The following PGLYRP4 variants were observed in gnomAD, a reference collection of about 807,000 sequenced individuals.
The protein encoded by PGLYRP4 is peptidoglycan recognition protein 4.
In PGLYRP4, 39 loss-of-function variants were observed where a neutral mutation model predicts 41.2. The observed-to-expected ratio is 0.95, with a 90% CI of 0.73 to 1.24. PGLYRP4 has a LOEUF of 1.24. PGLYRP4 is among the 50% of genes most tolerant of loss of function. The pLI is 0.00. For synonymous variants in PGLYRP4, 202 were observed against 186.8 expected, an observed-to-expected ratio of 1.08 and a Z score of -0.66; for missense variants, 467 against 460.7, an observed-to-expected ratio of 1.01 and a Z score of -0.13.
Position 153,336,498 on chromosome 1 carries a change from A to G in PGLYRP4, c.943+683T>C, listed in dbSNP as rs190185948. ...TCAAAAACAGAAAATGAAAAACTAC[A>G]TGTTCTCACTTATAAGTGAAAGCTA... is the stretch of plus-strand genomic sequence containing the variant. On this transcript the variant is annotated intron_variant, in intron 8 of 8. Transcript: ENST00000359650. Among the ~76,000 whole-genome samples, 37 of 152,236 alleles carry G rather than the reference A, an allele frequency of 2.4e-4. No individual in the cohort carries two copies. The East Asian group carries it at 6.4e-3, about 26-fold the overall frequency.
intron 4 of PGLYRP4, 169 bp downstream of exon 4, chr1:153,344,999 GA>G: frequency 3.3e-6 from 2 of 605,050 alleles, no homozygotes; most frequent in South Asian, 4.1e-5. Context: ...GCACCTCACA[GA>G]AAAATCCAAA....
intron 5 of PGLYRP4, 108 bp from the exon 6 acceptor site, chr1:153,341,887 A>T: frequency 9.7e-7 from 1 of 1,035,228 alleles, no homozygotes; most frequent in Non-Finnish European, 1.4e-6. Flanking sequence ...ATGGAGAGGA[A>T]GAAAAGGGAA....
chr1:153,346,013 TGTGGCTTTGCAGACCTCAG>T, intron 3 of PGLYRP4, 70 bp downstream of exon 3: 1 of 932,900 alleles, frequency 1.1e-6, no homozygotes, highest in Middle Eastern at 2.3e-4. Flanking sequence ...CCCAGTCACA[TGTGGCTTTGCAGACCTCAG>T]AAACATTTCC....
chr1:153,338,844 TA>T (rs1660676269), intron 7 of PGLYRP4, among the ~76,000 whole-genome samples: 1 of 152,188 alleles, frequency 6.6e-6, no homozygotes, highest in Admixed American at 6.5e-5. Context: ...ATGTGTCCCC[TA>T]TAATAATGTT....
At chr1:153,331,093 C>A in intron 8 of PGLYRP4, 148 bp from the exon 9 acceptor site, 1 of 553,002 alleles carries the variant, frequency 1.8e-6, no homozygotes. Flanking sequence ...AAGGTCAAGA[C>A]TTCAGATTTC....
chr1:153,347,653 T>G (rs1235097501), intron 2 of PGLYRP4, among the ~76,000 whole-genome samples: 1 of 152,096 alleles, frequency 6.6e-6, no homozygotes, highest in Non-Finnish European at 1.5e-5. Flanking sequence ...ATTACAAGCA[T>G]AAGCCACCAC....
At chr1:153,344,471 A>G (rs1020768140) in intron 4 of PGLYRP4, among the ~76,000 whole-genome samples, 1 of 152,152 alleles carries the variant, frequency 6.6e-6, no homozygotes, top group Admixed American at 6.5e-5. Flanking sequence ...CCTGTCCCCC[A>G]GGAAGGCATT....
At chr1:153,346,291 CT>C in intron 2 of PGLYRP4, 100 bp from the exon 3 acceptor site, 1 of 853,372 alleles carries the variant, frequency 1.2e-6, no homozygotes, top group Non-Finnish European at 2.0e-6. Context: ...TCCACTGCCC[CT>C]CTGCCTCCTC....
intron 7 of PGLYRP4, among the ~76,000 whole-genome samples, chr1:153,338,970 T>C (rs1371131033): frequency 1.3e-5 from 2 of 152,142 alleles, no homozygotes; most frequent in Admixed American, 1.3e-4. Context: ...ATCCCCAGAG[T>C]AGCCTTGTGC....
intron 7 of PGLYRP4, among the ~76,000 whole-genome samples, chr1:153,339,884 G>A (rs900514033): frequency 9.9e-5 from 15 of 152,118 alleles, no homozygotes; most frequent in Non-Finnish European, 1.3e-4. Context: ...TCTCTCCCCC[G>A]CCTTCAGACA....
Position 153,340,532 on chromosome 1 carries a change from G to A in PGLYRP4, c.673C>T (p.His225Tyr). The A allele has an allele frequency of 6.2e-7, 1 of 1,614,110 alleles. No individual in the cohort carries two copies. The highest frequency in any genetic ancestry group is 8.5e-7 in the Non-Finnish European group (1 of 1,180,006). ...PRSVWGARETHCPRMTLPAKY... is the reference protein window; with the variant it reads ...PRSVWGARETYCPRMTLPAKY... ...GCTGGGAGAGTCATCCTGGGACAGT[G>A]GGTCTCCCTGGCTCCCCACACAGAC... The change falls in exon 7 of 9, where the codon CAC becomes TAC. Residue 225 changes from histidine (H) to tyrosine (Y), a missense_variant. Transcript: ENST00000359650.
intron 8 of PGLYRP4, chr1:153,331,661 T>C (rs1053728367): frequency 7.4e-5 from 9 of 121,866 alleles, no homozygotes; most frequent in Non-Finnish European, 1.8e-4. Flanking sequence ...ATTGGAATGA[T>C]ACAGAGAAGA....
rs919393443 is a variant in PGLYRP4, at chr1:153,343,034, C to T, written c.472+56G>A. The T allele has an allele frequency of 1.4e-5, 15 of 1,081,656 alleles. No homozygotes were observed. The African/African-American group carries it at 2.3e-4, about 17-fold the overall frequency. 67.0% of individuals were successfully genotyped at this position (1,081,656 alleles called of 1,614,324 possible). A position where few individuals can be genotyped will look rare whatever the true frequency, so the allele number is the denominator to read the frequency against. ...GATAGCTAGTTCCCATGAAGTGGCC[C>T]CTGAGACAAAGGATTAGAGAACTCT... On this transcript the variant is annotated intron_variant, in intron 5 of 8. Coordinates refer to ENST00000359650, the MANE Select transcript of PGLYRP4 (RefSeq NM_020393.4).
chr1:153,337,128 TG>T (rs1379536840), intron 8 of PGLYRP4, 52 bp downstream of exon 8: 5 of 1,228,384 alleles, frequency 4.1e-6, no homozygotes, highest in Non-Finnish European at 6.0e-6. Context: ...CCATGTCAGA[TG>T]CTCTCTTTCA....
At position 153,348,835 on chromosome 1, in the gene PGLYRP4, T is replaced by C. The variant is rs1188750796; in HGVS notation, c.-354A>G. 1 of 152,238 alleles carries C rather than the reference T, an allele frequency of 6.6e-6. No homozygotes were observed. Among genetic ancestry groups the C allele is most frequent in the African/African-American group, 2.4e-5 (1 of 41,390 alleles). 9.4% of individuals were successfully genotyped at this position (152,238 alleles called of 1,614,324 possible). On this transcript the variant is annotated 5_prime_UTR_variant, in exon 1 of 9. Transcript: ENST00000359650. ...GCTCCTTTCACAGCACCTGGAGAAA[T>C]GCAAGTGGGACCAGACTCAGGCTGA...
chr1:153,335,196 G>A, intron 8 of PGLYRP4, among the ~76,000 whole-genome samples: 1 of 151,966 alleles, frequency 6.6e-6, no homozygotes, highest in African/African-American at 2.4e-5. Flanking sequence ...AAGACAAATG[G>A]GACTTAATTA....
At chr1:153,337,611 A>C (rs887955915) in intron 7 of PGLYRP4, among the ~76,000 whole-genome samples, 1 of 152,182 alleles carries the variant, frequency 6.6e-6, no homozygotes, top group Non-Finnish European at 1.5e-5. Flanking sequence ...TCAAAATTCC[A>C]GAATCTCTAA....
chr1:153,344,008 G>A (rs771845387), intron 4 of PGLYRP4, among the ~76,000 whole-genome samples: 16 of 152,118 alleles, frequency 1.1e-4, no homozygotes, highest in South Asian at 2.1e-4. Context: ...ACTGGGGGGC[G>A]GTGGGGATAT....
chr1:153,347,917 G>T lies in PGLYRP4; in HGVS notation c.16C>A (p.Leu6Ile), dbSNP rs1274114863. The stretch of plus-strand genomic sequence containing the variant: ...TGGATACCCAGAGCAGAGAAGACAA[G>T]AAGCCACGGCAGCATCCCCACGTGG... The part of the protein sequence containing the change: MLPWL[L>I]VFSALGIQAW... Residue 6 changes from leucine (L) to isoleucine (I), a missense_variant, in exon 2 of 9, where the codon CTT becomes ATT. Transcript: ENST00000359650. 6.2e-7 allele frequency: 1 copy of T among 1,613,700 alleles called. No homozygotes were observed. Among genetic ancestry groups the T allele is most frequent in the Middle Eastern group, 1.6e-4 (1 of 6,062 alleles).
Sources: allele counts gnomAD v4.1 joint callset (sites outside exome capture counted in the v4.1 genomes callset), GRCh38; gene constraint gnomAD v4.1.1; transcripts MANE v1.5; gene names NCBI Gene and HGNC (gene_info 2026-07-23, HGNC 2026-07-21).